Variants in SUMF1 observed in about 807,000 individuals in gnomAD.
SUMF1 encodes formylglycine-generating enzyme.
A neutral mutation model predicts 47.6 loss-of-function variants in SUMF1; 48 were observed. The observed-to-expected ratio is 1.01, with a 90% confidence interval of 0.80 to 1.28. The LOEUF (loss-of-function observed/expected upper bound fraction) is 1.28. Ranked by LOEUF, SUMF1 falls within the 50% of genes most tolerant of loss-of-function variation. The pLI is 0.00. For missense variants in SUMF1, 571 were observed against 485.4 expected, an observed-to-expected ratio of 1.18 and a Z score of -1.66; for synonymous variants, 230 against 192.1, an observed-to-expected ratio of 1.20 and a Z score of -1.63.
At chr3:4,243,955 A>G (rs886824958) in intron 8 of SUMF1, among the ~76,000 whole-genome samples, 1 of 152,162 alleles carries the variant, frequency 6.6e-6, no homozygotes, top group Non-Finnish European at 1.5e-5. Context: ...TATTGGGTGC[A>G]TATATATTTA....
intron 8 of SUMF1, among the ~76,000 whole-genome samples, chr3:4,111,717 G>A (rs754139720): frequency 2.6e-5 from 4 of 151,916 alleles, no homozygotes; most frequent in African/African-American, 7.3e-5. Flanking sequence ...GCAGCCTGGC[G>A]ACAGAGCTAG....
chr3:4,076,032 A>G (rs1390556653), intron 8 of SUMF1, among the ~76,000 whole-genome samples: 1 of 152,176 alleles, frequency 6.6e-6, no homozygotes, highest in African/African-American at 2.4e-5. Context: ...CACATTGCCA[A>G]GACAATCCTA....
chr3:4,349,393 A>G (rs977535305), intron 8 of SUMF1, among the ~76,000 whole-genome samples: 5 of 152,236 alleles, frequency 3.3e-5, no homozygotes, highest in African/African-American at 4.8e-5. Context: ...GTGGGAATGT[A>G]AATTAGTTCA....
intron 8 of SUMF1, among the ~76,000 whole-genome samples, chr3:4,365,024 T>C (rs1699903063): frequency 6.6e-6 from 1 of 152,066 alleles, no homozygotes; most frequent in Non-Finnish European, 1.5e-5. Flanking sequence ...AGTTGAGCGG[T>C]TTTGAGTGAG....
At chr3:4,451,999 C>A (rs548363192) in intron 2 of SUMF1, among the ~76,000 whole-genome samples, 1 of 152,168 alleles carries the variant, frequency 6.6e-6, no homozygotes, top group African/African-American at 2.4e-5. Context: ...AGGTTTCTAA[C>A]CACTTTATAT....
intron 7 of SUMF1, among the ~76,000 whole-genome samples, chr3:4,410,524 A>T (rs1188554470): frequency 6.6e-6 from 1 of 152,244 alleles, no homozygotes; most frequent in Non-Finnish European, 1.5e-5. Flanking sequence ...AGATCTTAAT[A>T]GTTCATAATA....
intron 8 of SUMF1, among the ~76,000 whole-genome samples, chr3:4,074,449 C>A (rs1574859668): frequency 6.6e-6 from 1 of 152,048 alleles, no homozygotes; most frequent in African/African-American, 2.4e-5. Context: ...CAAGAGCAAA[C>A]AAATTCAAAA....
chr3:4,104,253 C>T (rs1325333788), intron 8 of SUMF1, among the ~76,000 whole-genome samples: 1 of 152,110 alleles, frequency 6.6e-6, no homozygotes, highest in Non-Finnish European at 1.5e-5. Context: ...GCTTGACTCT[C>T]ATTCTCTCGT....
At chr3:4,102,712 T>G (rs1258854962) in intron 8 of SUMF1, among the ~76,000 whole-genome samples, 1 of 152,078 alleles carries the variant, frequency 6.6e-6, no homozygotes, top group East Asian at 1.9e-4. Flanking sequence ...CAACTGTACC[T>G]TAAGCTCTAC....
rs537910718 is a variant in SUMF1, at chr3:4,271,480, T to C, written c.1014+104850A>G. 7.7e-3 allele frequency among the ~76,000 whole-genome samples: 1,137 copies of C among 148,430 alleles called. 11 individuals carry two copies. Among genetic ancestry groups the C allele is most frequent in the Non-Finnish European group, 0.012 (790 of 66,264 alleles). ...TTTATACTATCTATAGATAGATAGA[T>C]AGATAGATAGATAGATAGATAGATA... On this transcript the variant is annotated intron_variant and NMD_transcript_variant, in intron 8 of 12. Coordinates refer to the SUMF1 transcript ENST00000448413.
At chr3:4,179,787 C>G (rs934700014) in intron 8 of SUMF1, among the ~76,000 whole-genome samples, 4 of 152,124 alleles carry the variant, frequency 2.6e-5, no homozygotes, top group Non-Finnish European at 5.9e-5. Flanking sequence ...TTTTTGTAAT[C>G]TATCCATCTG....
chr3:4,210,359 T>C lies in SUMF1; in HGVS notation c.1015-141614A>G, dbSNP rs376090889. ...ATACAATCTTGAAAAAGAACAAAAC[T>C]TGAGGATTTACACAACCAAATGTTA... On this transcript the variant is annotated intron_variant and NMD_transcript_variant, in intron 8 of 12. Coordinates refer to the SUMF1 transcript ENST00000448413. 9.9e-5 allele frequency among the ~76,000 whole-genome samples: 15 copies of C among 152,108 alleles called. 3 individuals carry two copies. The highest frequency in any genetic ancestry group is 6.5e-5 in the Admixed American group (1 of 15,282).
At chr3:4,075,349 A>T (rs991805776) in intron 8 of SUMF1, among the ~76,000 whole-genome samples, 3 of 152,140 alleles carry the variant, frequency 2.0e-5, no homozygotes, top group African/African-American at 7.2e-5. Flanking sequence ...TCTCAAAATA[A>T]TAAGTTATTT....
chr3:4,110,599 T>C (rs2125069174), intron 8 of SUMF1, among the ~76,000 whole-genome samples: 1 of 151,974 alleles, frequency 6.6e-6, no homozygotes, highest in South Asian at 2.1e-4. Flanking sequence ...AACCCAAATG[T>C]CCAACAGTGA....
chr3:4,276,635 T>C lies in SUMF1; in HGVS notation c.1014+99695A>G, dbSNP rs78030606. 8.8e-3 allele frequency among the ~76,000 whole-genome samples: 1,339 copies of C among 152,296 alleles called. 29 individuals are homozygous for C. Among genetic ancestry groups the C allele is most frequent in the African/African-American group, 0.031 (1,281 of 41,564 alleles). On this transcript the variant is annotated intron_variant and NMD_transcript_variant, in intron 8 of 12. Coordinates refer to the SUMF1 transcript ENST00000448413. ...CACAATTTATTATTGCAAGATATAA[T>C]TGATTCCAGGAATCAGTCATATTGT...
intron 8 of SUMF1, among the ~76,000 whole-genome samples, chr3:4,375,655 A>C (rs932310282): frequency 1.3e-5 from 2 of 152,160 alleles, no homozygotes; most frequent in Admixed American, 1.3e-4. Context: ...AATCTGCAAA[A>C]TGCCATCTCT....
chr3:4,168,495 G>A (rs1694761116), intron 8 of SUMF1, among the ~76,000 whole-genome samples: 2 of 152,190 alleles, frequency 1.3e-5, no homozygotes, highest in South Asian at 4.1e-4. Flanking sequence ...ATTAGTAGGT[G>A]GTCAATAAAT....
At position 4,097,829 on chromosome 3, in the gene SUMF1, C is replaced by A. The variant is rs954992981; in HGVS notation, c.1015-29084G>T. On this transcript the variant is annotated intron_variant and NMD_transcript_variant, in intron 8 of 12. Transcript: ENST00000448413. ...TTTCTTACATCCAGCAGTCCTTGGACCTAAAGCTTTAGCTCCAGCTATCCA... is the reference window on the plus strand; with the variant it reads ...TTTCTTACATCCAGCAGTCCTTGGAACTAAAGCTTTAGCTCCAGCTATCCA... Among the ~76,000 whole-genome samples, 6 of 152,074 alleles carry A rather than the reference C, an allele frequency of 3.9e-5. No homozygotes were observed. The East Asian group carries it at 1.2e-3, about 29-fold the overall frequency.
chr3:4,362,631 G>C (rs931054872), intron 8 of SUMF1, among the ~76,000 whole-genome samples: 1 of 152,166 alleles, frequency 6.6e-6, no homozygotes, highest in Non-Finnish European at 1.5e-5. Flanking sequence ...ATGATAAAAT[G>C]TTAAATGAGG....
Sources: allele counts gnomAD v4.1 joint callset (sites outside exome capture counted in the v4.1 genomes callset), GRCh38; gene constraint gnomAD v4.1.1; transcripts MANE v1.5; gene names NCBI Gene and HGNC (gene_info 2026-07-23, HGNC 2026-07-21).